Variants in SUSD3 observed in about 807,000 individuals in gnomAD.
SUSD3 encodes sushi domain containing 3, also known as sushi domain-containing protein 3.
SUSD3 carries 18 observed loss-of-function variants against 20.6 expected under a neutral mutation model. The observed-to-expected ratio is 0.87, with a 90% confidence interval of 0.60 to 1.30. The LOEUF is 1.30. Ranked by LOEUF, SUSD3 falls within the 50% of genes most tolerant of loss-of-function variation. The pLI is 0.00. For missense variants in SUSD3, 306 were observed against 346.9 expected (o/e 0.88, Z 0.94); for synonymous variants, 137 against 141.5 (o/e 0.97, Z 0.23).
intron 1 of SUSD3, among the ~76,000 whole-genome samples, chr9:93,073,192 C>T (rs146746604): frequency 5.1e-4 from 78 of 151,812 alleles, no homozygotes; most frequent in Non-Finnish European, 1.0e-3. Context: ...TGCCTCCGGT[C>T]AGTCTCTGCC....
In SUSD3 at chr9:93,079,559, G is replaced by A. The variant is rs146723733; in HGVS notation, c.514G>A (p.Val172Met). Residue 172 changes from valine to methionine, a missense_variant, in exon 4 of 5, where the codon GTG (valine) becomes ATG (methionine). Transcript: ENST00000375472. ...TGGCCTCAAGCACTTCAACAAACCC[G>A]TGAGCGGGCCCAGCCAGGCGCACGA... ...YLGLKHFNKP[V>M]SGPSQAHDNH... The A allele has an allele frequency of 1.2e-5, 20 of 1,613,942 alleles. 1 individual carries two copies. The highest frequency in any genetic ancestry group is 1.0e-4 in the Admixed American group (6 of 60,004).
chr9:93,071,668 A>T (rs972658674), intron 1 of SUSD3, among the ~76,000 whole-genome samples: 1 of 152,134 alleles, frequency 6.6e-6, no homozygotes, highest in Non-Finnish European at 1.5e-5. Context: ...TTGACACTCA[A>T]TATTAACCAT....
At chr9:93,080,496 A>G (rs779586882) in intron 4 of SUSD3, among the ~76,000 whole-genome samples, 9 of 152,176 alleles carry the variant, frequency 5.9e-5, no homozygotes, top group Non-Finnish European at 8.8e-5. Flanking sequence ...GTTCCAGGCC[A>G]GTGGTCGCAT....
Position 93,077,938 on chromosome 9 carries a change from C to T in SUSD3, c.370C>T (p.Leu124Phe), listed in dbSNP as rs1826235721. 1 of 1,614,120 alleles carries T rather than the reference C, an allele frequency of 6.2e-7. No individual in the cohort carries two copies. Among genetic ancestry groups the T allele is most frequent in the Admixed American group, 1.7e-5 (1 of 60,012 alleles). The change falls in exon 3 of 5, where the codon CTC becomes TTC. Residue 124 changes from leucine to phenylalanine, a missense_variant. Leu to Phe is a conservative substitution (Grantham distance 22). Coordinates refer to ENST00000375472, the MANE Select transcript of SUSD3 (RefSeq NM_145006.4). ...AIILLMSMAF[L>F]TCCLLKCVKK... Reference sequence around the variant, plus strand: ...CATCCTGCTCATGTCCATGGCCTTCCTCACCTGCTGCCTCCTCAAGTGCGT... The same window carrying T: ...CATCCTGCTCATGTCCATGGCCTTCTTCACCTGCTGCCTCCTCAAGTGCGT...
intron 1 of SUSD3, among the ~76,000 whole-genome samples, chr9:93,074,410 CGACAGGGCAA>C (rs1826037947): frequency 8.2e-6 from 1 of 122,216 alleles, no homozygotes; most frequent in East Asian, 2.5e-4. Context: ...CCAGCCTGGG[CGACAGGGCAA>C]GACTCTGACT....
intron 1 of SUSD3, among the ~76,000 whole-genome samples, chr9:93,069,858 C>T (rs1309038316): frequency 6.6e-6 from 1 of 151,938 alleles, no homozygotes; most frequent in Non-Finnish European, 1.5e-5. Flanking sequence ...TGGCTCACTG[C>T]AACCTCTGCT....
At chr9:93,078,316 T>C (rs1355407161) in intron 3 of SUSD3, among the ~76,000 whole-genome samples, 1 of 152,152 alleles carries the variant, frequency 6.6e-6, no homozygotes, top group African/African-American at 2.4e-5. Flanking sequence ...CAGAGTACAG[T>C]AGCGTGATCT....
intron 1 of SUSD3, among the ~76,000 whole-genome samples, chr9:93,072,195 A>C (rs1051077140): frequency 1.3e-5 from 2 of 151,826 alleles, no homozygotes; most frequent in Admixed American, 6.6e-5. Flanking sequence ...CCTTGCTAGC[A>C]AGTATCCTCA....
At chr9:93,064,338 A>ATG (rs1825625732) in intron 1 of SUSD3, among the ~76,000 whole-genome samples, 2 of 152,032 alleles carry the variant, frequency 1.3e-5, no homozygotes, top group Non-Finnish European at 2.9e-5. Flanking sequence ...GAGCCACCGC[A>ATG]CCCAGCCGAC....
chr9:93,061,042 G>C (rs932084923), intron 1 of SUSD3, among the ~76,000 whole-genome samples: 3 of 152,220 alleles, frequency 2.0e-5, no homozygotes, highest in African/African-American at 7.2e-5. Flanking sequence ...GGGGAGACTA[G>C]CTCAGAGTAG....
At chr9:93,059,400 C>T (rs1049372147) in intron 1 of SUSD3, among the ~76,000 whole-genome samples, 1 of 152,146 alleles carries the variant, frequency 6.6e-6, no homozygotes, top group African/African-American at 2.4e-5. Flanking sequence ...GGCTCAGAGG[C>T]CTTTGGAAGG....
intron 1 of SUSD3, among the ~76,000 whole-genome samples, chr9:93,068,507 AG>A (rs988736662): frequency 6.6e-6 from 1 of 152,224 alleles, no homozygotes; most frequent in Non-Finnish European, 1.5e-5. Flanking sequence ...CTGCACTCTC[AG>A]TTCTATTCTG....
intron 3 of SUSD3, 40 bp downstream of exon 3, chr9:93,078,033 G>C: frequency 6.2e-7 from 1 of 1,613,202 alleles, no homozygotes; most frequent in East Asian, 2.2e-5. Flanking sequence ...CCCGGGAGGC[G>C]CCTCTTGGCA....
intron 1 of SUSD3, among the ~76,000 whole-genome samples, chr9:93,065,630 G>T (rs992035346): frequency 6.6e-6 from 1 of 152,234 alleles, no homozygotes; most frequent in Non-Finnish European, 1.5e-5. Flanking sequence ...CTGCCCTGCT[G>T]TGTCTGCCAG....
intron 4 of SUSD3, 74 bp from the exon 5 acceptor site, chr9:93,084,463 C>T: frequency 2.2e-6 from 3 of 1,393,376 alleles, no homozygotes; most frequent in Non-Finnish European, 2.9e-6. Context: ...GGCCTGGGTA[C>T]CTGGGAAGGT....
At chr9:93,083,724 C>A (rs969780785) in intron 4 of SUSD3, among the ~76,000 whole-genome samples, 1 of 152,222 alleles carries the variant, frequency 6.6e-6, no homozygotes, top group Non-Finnish European at 1.5e-5. Context: ...GTTATTGATG[C>A]TTTCACTTAC....
chr9:93,068,816 A>C (rs769753631), intron 1 of SUSD3, among the ~76,000 whole-genome samples: 3 of 152,178 alleles, frequency 2.0e-5, no homozygotes, highest in Non-Finnish European at 4.4e-5. Flanking sequence ...AATGTATCCA[A>C]GGGGGATACA....
intron 1 of SUSD3, among the ~76,000 whole-genome samples, chr9:93,073,211 C>T (rs536033604): frequency 7.9e-5 from 12 of 152,004 alleles, no homozygotes; most frequent in African/African-American, 2.7e-4. Context: ...CCTCTGCACA[C>T]ACCATGCATC....
chr9:93,063,534 C>T (rs1226251675), intron 1 of SUSD3, among the ~76,000 whole-genome samples: 1 of 152,146 alleles, frequency 6.6e-6, no homozygotes, highest in African/African-American at 2.4e-5. Context: ...TAAGAGGGGG[C>T]ATTGCCGGTC....
Sources: allele counts gnomAD v4.1 joint callset (sites outside exome capture counted in the v4.1 genomes callset), GRCh38; gene constraint gnomAD v4.1.1; transcripts MANE v1.5; gene names NCBI Gene and HGNC (gene_info 2026-07-23, HGNC 2026-07-21).